The following RUNX2 variants were observed in gnomAD, a reference collection of about 807,000 sequenced individuals.
RUNX2 encodes RUNX family transcription factor 2.
A neutral mutation model predicts 51.7 loss-of-function variants in RUNX2; 10 were observed. That is an observed-to-expected ratio of 0.19 (90% confidence interval 0.12 to 0.33). The LOEUF is 0.33. Among genes scored for constraint, RUNX2 ranks in the 10% least tolerant of loss-of-function variants. RUNX2 has a pLI of 1.00. For missense variants in RUNX2, 562 were observed against 691.3 expected (o/e 0.81, Z 2.10); for synonymous variants, 276 against 273.6 (o/e 1.01, Z -0.09).
At chr6:45,388,044 G>T (rs1338115254) in intron 2 of RUNX2, among the ~76,000 whole-genome samples, 3 of 152,300 alleles carry the variant, frequency 2.0e-5, no homozygotes, top group Middle Eastern at 3.4e-3. Context: ...AAGACTTGAG[G>T]TTATTTACAG....
At chr6:45,455,618 T>C (rs1029605879) in intron 5 of RUNX2, among the ~76,000 whole-genome samples, 1 of 152,200 alleles carries the variant, frequency 6.6e-6, no homozygotes, top group African/African-American at 2.4e-5. Flanking sequence ...TAAAGGTCCA[T>C]AAAGGGCTTA....
chr6:45,385,064 A>T (rs1285420954), intron 2 of RUNX2, among the ~76,000 whole-genome samples: 1 of 152,194 alleles, frequency 6.6e-6, no homozygotes, highest in Non-Finnish European at 1.5e-5. Flanking sequence ...ACAGACATTT[A>T]CTGAGGACGT....
intron 5 of RUNX2, among the ~76,000 whole-genome samples, chr6:45,477,786 T>C (rs977189356): frequency 3.9e-5 from 6 of 152,234 alleles, no homozygotes; most frequent in Middle Eastern, 3.2e-3. Flanking sequence ...TATCTTCCCC[T>C]GTAAGTAAAG....
In RUNX2 at chr6:45,365,107, CAAGTT is replaced by C. The variant is rs1794903914; in HGVS notation, c.58+36329_58+36333del. 6 of 759,894 alleles carry C rather than the reference CAAGTT, an allele frequency of 7.9e-6. No individual in the cohort carries two copies. In the Admixed American group the frequency reaches 1.2e-4, roughly 15 times the overall value. 47.1% of individuals were successfully genotyped at this position (759,894 alleles called of 1,614,324 possible). On this transcript the variant is annotated intron_variant, in intron 2 of 8. Coordinates refer to ENST00000647337, the MANE Select transcript of RUNX2 (RefSeq NM_001024630.4). The stretch of plus-strand genomic sequence containing the variant: ...TACTTGATTAATAACAAATTATTTC[CAAGTT>C]AAGTTTTATAAATGTTGTTATGTCT...
Position 45,547,734 on chromosome 6 carries a change from A to G in RUNX2, c.*429A>G. On this transcript the variant is annotated 3_prime_UTR_variant, in exon 9 of 9. Transcript: ENST00000647337. ...CACACCCTCACGGTGGCAGCTGTGT[A>G]TGGACCAGTGCCCTCCGCAGACAGC... The G allele has an allele frequency of 3.5e-6, 1 of 289,598 alleles. No individual in the cohort carries two copies. Among genetic ancestry groups the G allele is most frequent in the Non-Finnish European group, 6.7e-6 (1 of 150,140 alleles). 17.9% of individuals were successfully genotyped at this position (289,598 alleles called of 1,614,324 possible).
In RUNX2 at chr6:45,547,478, G is replaced by A; in HGVS notation, c.*173G>A. The A allele has an allele frequency of 1.6e-6, 1 of 633,066 alleles. No homozygotes were observed. The allele number at this position is 633,066 out of a possible 1,614,324, so 39.2% of individuals were successfully genotyped here. On this transcript the variant is annotated 3_prime_UTR_variant, in exon 9 of 9. Transcript: ENST00000647337. ...AGTCATGATCTTGCAGCCATAAGAG[G>A]GTAGATATTGAGAAGCAGAAGGCTC... is the stretch of plus-strand genomic sequence containing the variant.
intron 7 of RUNX2, among the ~76,000 whole-genome samples, chr6:45,529,722 A>G (rs1801784023): frequency 6.6e-6 from 1 of 152,200 alleles, no homozygotes; most frequent in Non-Finnish European, 1.5e-5. Context: ...AACAGATAAC[A>G]GCCCCTGGAA....
At chr6:45,402,177 G>A (rs2150352473) in intron 2 of RUNX2, among the ~76,000 whole-genome samples, 1 of 152,284 alleles carries the variant, frequency 6.6e-6, no homozygotes, top group South Asian at 2.1e-4. Flanking sequence ...AATAATTTAA[G>A]TATTTCTTAC....
chr6:45,445,864 G>A (rs1266168461), intron 5 of RUNX2, among the ~76,000 whole-genome samples: 3 of 152,154 alleles, frequency 2.0e-5, no homozygotes, highest in African/African-American at 4.8e-5. Flanking sequence ...TGGAGGTTAT[G>A]TCTGGTGGTT....
chr6:45,343,579 CTT>C (rs929296237), intron 2 of RUNX2, among the ~76,000 whole-genome samples: 8 of 152,070 alleles, frequency 5.3e-5, no homozygotes, highest in Non-Finnish European at 1.2e-4. Context: ...ATAACTCTCT[CTT>C]GTAAAAAATG....
At chr6:45,435,870 T>A (rs940307687) in intron 4 of RUNX2, among the ~76,000 whole-genome samples, 3 of 152,240 alleles carry the variant, frequency 2.0e-5, no homozygotes, top group African/African-American at 7.2e-5. Context: ...ACTTTCAATC[T>A]AGAGATTCAG....
intron 2 of RUNX2, among the ~76,000 whole-genome samples, chr6:45,375,788 AGTTTT>A (rs1190494875): frequency 6.6e-6 from 1 of 151,952 alleles, no homozygotes; most frequent in Non-Finnish European, 1.5e-5. Context: ...TTGTTCTTTT[AGTTTT>A]ATTTTCAAAT....
At chr6:45,495,396 G>C (rs1800617021) in intron 6 of RUNX2, among the ~76,000 whole-genome samples, 1 of 152,136 alleles carries the variant, frequency 6.6e-6, no homozygotes. Context: ...CCTAGTGATG[G>C]GCAGCAGCTT....
In RUNX2 at chr6:45,395,997, A is replaced by G. The variant is rs549548376; in HGVS notation, c.59-26596A>G. Among the ~76,000 whole-genome samples the G allele has an allele frequency of 6.6e-5, 10 of 152,262 alleles. No homozygotes were observed. In the East Asian group the frequency reaches 1.5e-3, roughly 23 times the overall value. ...AAAACATTTTCAACCCACTATATTA[A>G]TTAGTAAAAGATTATGAAAAGATTT... On this transcript the variant is annotated intron_variant, in intron 2 of 8. Coordinates refer to ENST00000647337, the MANE Select transcript of RUNX2 (RefSeq NM_001024630.4).
intron 5 of RUNX2, among the ~76,000 whole-genome samples, chr6:45,451,469 A>C (rs926636557): frequency 6.6e-6 from 1 of 152,252 alleles, no homozygotes; most frequent in Non-Finnish European, 1.5e-5. Context: ...TAAGAGCAAC[A>C]TGGAAAACTT....
chr6:45,520,809 C>T (rs1801483076), intron 7 of RUNX2, among the ~76,000 whole-genome samples: 2 of 151,320 alleles, frequency 1.3e-5, no homozygotes, highest in Non-Finnish European at 3.0e-5. Context: ...CAGCCTCTGC[C>T]TCCCAGGTTC....
At chr6:45,454,450 T>C (rs1799263696) in intron 5 of RUNX2, among the ~76,000 whole-genome samples, 1 of 152,258 alleles carries the variant, frequency 6.6e-6, no homozygotes. Context: ...TAGATGCCTT[T>C]GGTTATTACC....
intron 2 of RUNX2, among the ~76,000 whole-genome samples, chr6:45,355,141 T>G (rs922051132): frequency 1.2e-4 from 18 of 149,336 alleles, no homozygotes; most frequent in Non-Finnish European, 2.1e-4. Flanking sequence ...GACCTGGCTT[T>G]TTTTTTTTTT....
intron 2 of RUNX2, among the ~76,000 whole-genome samples, chr6:45,348,266 T>C (rs910013432): frequency 9.9e-5 from 15 of 152,060 alleles, no homozygotes; most frequent in African/African-American, 3.6e-4. Context: ...TACCACTGAA[T>C]AGCTGGATGA....
Sources: gnomAD v4.1 joint callset for allele counts (sites outside exome capture counted in the v4.1 genomes callset) on GRCh38, gnomAD v4.1.1 for gene constraint, MANE v1.5 for transcripts, NCBI Gene and HGNC (gene_info 2026-07-23, HGNC 2026-07-21) for gene names.